RNF10: variants seen among roughly 807,000 people sequenced by gnomAD.
The protein encoded by RNF10 is ring finger protein 10.
Under a neutral mutation model 91.4 loss-of-function variants are expected in RNF10, and 38 were observed. The observed-to-expected ratio is 0.42, with a 90% CI of 0.32 to 0.54. RNF10 has a LOEUF of 0.54. Among genes scored for constraint, RNF10 ranks in the 20% least tolerant of loss-of-function variants. The pLI is 0.16. For missense variants in RNF10, 945 were observed against 1,012.0 expected (o/e 0.93, Z 0.90); for synonymous variants, 364 against 366.3 (o/e 0.99, Z 0.07).
intron 7 of RNF10, among the ~76,000 whole-genome samples, chr12:120,561,511 A>C (rs1874837968): frequency 6.6e-6 from 1 of 152,172 alleles, no homozygotes; most frequent in Non-Finnish European, 1.5e-5. Context: ...TCATCCCCAG[A>C]CCACACTCCT....
chr12:120,572,380 AG>A (rs1364958202), intron 14 of RNF10, among the ~76,000 whole-genome samples: 1 of 151,470 alleles, frequency 6.6e-6, no homozygotes, highest in East Asian at 2.0e-4. Context: ...ACAGTTCTTT[AG>A]AGCAGTTGAT....
chr12:120,560,894 G>C lies in RNF10; in HGVS notation c.1128+8G>C. The C allele has an allele frequency of 1.9e-6, 3 of 1,613,288 alleles. No individual in the cohort carries two copies. Among genetic ancestry groups the C allele is most frequent in the Non-Finnish European group, 2.5e-6 (3 of 1,179,464 alleles). ...GCTATCCAGGAGCTCAAGGTGAGAG[G>C]ATGCATTGGAGATGCTAAACCTTTT... On this transcript the variant is annotated splice_region_variant and intron_variant, in intron 7 of 16. Coordinates refer to ENST00000325954, the MANE Select transcript of RNF10 (RefSeq NM_014868.5).
Position 120,565,501 on chromosome 12 carries a change from G to A in RNF10, c.1857G>A (p.Glu619=). 1 of 1,614,070 alleles carries A rather than the reference G, an allele frequency of 6.2e-7. No individual in the cohort carries two copies. Among genetic ancestry groups the A allele is most frequent in the Non-Finnish European group, 8.5e-7 (1 of 1,180,020 alleles). ...REERRRERRI[E]IEENKKQGKY... ...AACGCCGCCGAGAGCGCAGGATTGAGATAGAGGAGAACAAGAAACAGGGCA... is the reference window on the plus strand; with the variant it reads ...AACGCCGCCGAGAGCGCAGGATTGAAATAGAGGAGAACAAGAAACAGGGCA... Residue 619 remains glutamate (E), a synonymous_variant, in exon 12 of 17, where the codon GAG becomes GAA. Transcript: ENST00000325954.
Position 120,534,464 on chromosome 12 carries a change from C to T in RNF10, c.-348C>T. On this transcript the variant is annotated 5_prime_UTR_variant, in exon 1 of 17. Transcript: ENST00000325954. ...GTCCCCGACACCGAGACAGCCAGCCCTCTCCCCTGCCTCGCGGCGGGAGAG... is the reference window on the plus strand; with the variant it reads ...GTCCCCGACACCGAGACAGCCAGCCTTCTCCCCTGCCTCGCGGCGGGAGAG... The T allele has an allele frequency of 4.7e-6, 1 of 213,602 alleles. No homozygotes were observed. Among genetic ancestry groups the T allele is most frequent in the Non-Finnish European group, 9.2e-6 (1 of 108,356 alleles). 13.2% of individuals were successfully genotyped at this position (213,602 alleles called of 1,614,324 possible).
intron 4 of RNF10, 41 bp downstream of exon 4, chr12:120,554,849 A>C (rs1873723579): frequency 6.7e-7 from 1 of 1,496,250 alleles, no homozygotes; most frequent in Admixed American, 1.7e-5. Flanking sequence ...GAATGGGAGC[A>C]CTAAATAAAG....
intron 7 of RNF10, 95 bp downstream of exon 7, chr12:120,560,981 T>C (rs1365664109): frequency 7.8e-7 from 1 of 1,277,494 alleles, no homozygotes; most frequent in East Asian, 2.4e-5. Flanking sequence ...CTGTCGGGGG[T>C]GAGATGATGG....
chr12:120,571,649 A>G (rs1289085261), intron 14 of RNF10, among the ~76,000 whole-genome samples: 1 of 152,240 alleles, frequency 6.6e-6, no homozygotes, highest in Non-Finnish European at 1.5e-5. Flanking sequence ...TAGCTGAGGC[A>G]GAATCAGAGT....
chr12:120,563,860 G>T lies in RNF10; in HGVS notation c.1582G>T (p.Val528Leu), dbSNP rs747984548. The T allele has an allele frequency of 2.5e-6, 4 of 1,614,142 alleles. No individual in the cohort carries two copies. The highest frequency in any genetic ancestry group is 1.7e-5 in the Admixed American group (1 of 60,012). Residue 528 changes from valine (V) to leucine (L), a missense_variant, in exon 10 of 17, where the codon GTG (valine) becomes TTG (leucine). Transcript: ENST00000325954. ...FLHPVNVRCLVREYGSLERSP... is the reference protein window; with the variant it reads ...FLHPVNVRCLLREYGSLERSP... ...GCACCCTGTGAATGTGCGCTGCCTC[G>T]TGCGGGAGTACGGCAGCCTGGAGAG...
chr12:120,573,362 T>C (rs916309971), intron 14 of RNF10, among the ~76,000 whole-genome samples: 14 of 152,182 alleles, frequency 9.2e-5, no homozygotes, highest in Non-Finnish European at 1.8e-4. Context: ...CCCTTTTTTT[T>C]CCCTTCCATG....
chr12:120,551,172 G>A (rs1181376429), intron 2 of RNF10, among the ~76,000 whole-genome samples: 3 of 151,598 alleles, frequency 2.0e-5, no homozygotes, highest in Admixed American at 1.3e-4. Flanking sequence ...TTTTTGTAGA[G>A]ACATGGGATC....
In RNF10 at chr12:120,577,352, C is replaced by G. The variant is rs552539307; in HGVS notation, c.*686C>G. 1 of 349,776 alleles carries G rather than the reference C, an allele frequency of 2.9e-6. No individual in the cohort carries two copies. The highest frequency in any genetic ancestry group is 4.1e-5 in the Admixed American group (1 of 24,376). The allele number at this position is 349,776 out of a possible 1,614,324, so 21.7% of individuals were successfully genotyped here. A position where few individuals can be genotyped will look rare whatever the true frequency, so the allele number is the denominator to read the frequency against. On this transcript the variant is annotated 3_prime_UTR_variant, in exon 17 of 17. Transcript: ENST00000325954. The stretch of plus-strand genomic sequence containing the variant: ...CCCTGAGACCTGCTACCCCTAAGAT[C>G]GAGCTTGTTTTCAGTGACTGGCTTG...
intron 1 of RNF10, among the ~76,000 whole-genome samples, chr12:120,535,886 A>C (rs1308181642): frequency 2.6e-5 from 4 of 152,212 alleles, no homozygotes; most frequent in Non-Finnish European, 5.9e-5. Context: ...GAAATTGTTC[A>C]TATTTAAAGA....
At position 120,576,888 on chromosome 12, in the gene RNF10, A is replaced by C; in HGVS notation, c.*222A>C. On this transcript the variant is annotated 3_prime_UTR_variant, in exon 17 of 17. Coordinates refer to ENST00000325954, the MANE Select transcript of RNF10 (RefSeq NM_014868.5). ...CCAAAATAAAGTATTGACACAAGAG[A>C]TCTCTTCCTGCCAAGGTTTTTAGTT... is the stretch of plus-strand genomic sequence containing the variant. The C allele has an allele frequency of 5.7e-6, 3 of 526,240 alleles. No individual in the cohort carries two copies. Among genetic ancestry groups the C allele is most frequent in the Non-Finnish European group, 9.9e-6 (3 of 304,486 alleles). 32.6% of individuals were successfully genotyped at this position (526,240 alleles called of 1,614,324 possible). A position where few individuals can be genotyped will look rare whatever the true frequency, so the allele number is the denominator to read the frequency against.
At position 120,574,719 on chromosome 12, in the gene RNF10, A is replaced by G. The variant is rs1481317214; in HGVS notation, c.2143-912A>G. ...GGCGGGCAGATCACCTGAGGTCAGG[A>G]GTTCGAGACCAGCCTGACCAACATG... On this transcript the variant is annotated intron_variant, in intron 14 of 16. Transcript: ENST00000325954. 2.9e-5 allele frequency: 10 copies of G among 339,836 alleles called. No individual in the cohort carries two copies. The East Asian group carries it at 7.2e-4, about 25-fold the overall frequency. The allele number at this position is 339,836 out of a possible 1,614,324, so 21.1% of individuals were successfully genotyped here.
chr12:120,569,890 TTTTTGTTTTG>T (rs749156853), intron 13 of RNF10, among the ~76,000 whole-genome samples: 4 of 151,852 alleles, frequency 2.6e-5, no homozygotes, highest in African/African-American at 4.8e-5. Context: ...TGAAAGCTGC[TTTTTGTTTTG>T]TTTTGTTTTG....
chr12:120,539,304 C>T (rs1871236008), intron 1 of RNF10: 3 of 785,812 alleles, frequency 3.8e-6, no homozygotes, highest in South Asian at 1.4e-5. Flanking sequence ...TCACACTTAG[C>T]AAGCAGATAA....
chr12:120,562,928 C>G lies in RNF10; in HGVS notation c.1129-17C>G, dbSNP rs767764480. On this transcript the variant is annotated splice_polypyrimidine_tract_variant and intron_variant, in intron 7 of 16. Coordinates refer to ENST00000325954, the MANE Select transcript of RNF10 (RefSeq NM_014868.5). ...TGGAAACTTAACCTTCTCTGGTGTT[C>G]TCTCTGGCCACGTTAGACTCGGGAA... The G allele has an allele frequency of 1.9e-6, 3 of 1,612,870 alleles. No individual in the cohort carries two copies. Among genetic ancestry groups the G allele is most frequent in the East Asian group, 2.3e-5 (1 of 44,030 alleles).
chr12:120,565,398 C>G (rs1002281493), intron 11 of RNF10, 30 bp from the exon 12 acceptor site: 3 of 1,599,812 alleles, frequency 1.9e-6, no homozygotes, highest in East Asian at 2.2e-5. Flanking sequence ...TGTCCTGGGT[C>G]TACCTCTTTA....
At chr12:120,551,761 C>CT (rs1464779724) in intron 2 of RNF10, among the ~76,000 whole-genome samples, 1 of 152,128 alleles carries the variant, frequency 6.6e-6, no homozygotes, top group Non-Finnish European at 1.5e-5. Context: ...TCCTGAGTGG[C>CT]TGAGAGTGCA....
Sources: gnomAD v4.1 joint callset for allele counts (sites outside exome capture counted in the v4.1 genomes callset) on GRCh38, gnomAD v4.1.1 for gene constraint, MANE v1.5 for transcripts, NCBI Gene and HGNC (gene_info 2026-07-23, HGNC 2026-07-21) for gene names.